GALP: variants seen among roughly 807,000 people sequenced by gnomAD.
GALP encodes the protein galanin like peptide, also known as galanin-like peptide.
GALP carries 12 observed loss-of-function variants against 15.2 expected under a neutral mutation model. The ratio of observed to expected loss-of-function variants is 0.79; its 90% CI spans 0.51 to 1.28. The LOEUF is 1.28. GALP is among the 50% of genes most tolerant of loss of function. GALP has a pLI of 0.00. For synonymous variants in GALP, 58 were observed against 55.1 expected (o/e 1.05, Z -0.23); for missense variants, 161 against 145.6 (o/e 1.11, Z -0.55).
At chr19:56,181,395 CTTTTTTTTTT>C (rs10656072) in intron 3 of GALP, among the ~76,000 whole-genome samples, 2 of 81,314 alleles carry the variant, frequency 2.5e-5, no homozygotes, top group Non-Finnish European at 4.5e-5. Flanking sequence ...TCTCTCTCTC[CTTTTTTTTTT>C]TTTTTTTTTT....
chr19:56,184,100 C>A (rs1015711029), intron 5 of GALP, among the ~76,000 whole-genome samples: 2 of 151,326 alleles, frequency 1.3e-5, no homozygotes, highest in Non-Finnish European at 2.9e-5. Context: ...GGATTACAGG[C>A]GCCCGCCACC....
At chr19:56,182,935 T>C (rs1272520777) in intron 4 of GALP, among the ~76,000 whole-genome samples, 200 bp from the exon 5 acceptor site, 2 of 152,094 alleles carry the variant, frequency 1.3e-5, no homozygotes, top group Non-Finnish European at 2.9e-5. Context: ...GGGCGTTTGT[T>C]GTACAGACTA....
chr19:56,178,529 A>C (rs867798622), intron 2 of GALP, among the ~76,000 whole-genome samples: 105 of 147,568 alleles, frequency 7.1e-4, no homozygotes, highest in African/African-American at 2.4e-3. Flanking sequence ...AACAAAAAAA[A>C]AAAAAAAAAA....
Position 56,183,132 on chromosome 19 carries a change from T to C in GALP, c.218-3T>C. The C allele has an allele frequency of 6.2e-7, 1 of 1,608,504 alleles. No individual in the cohort carries two copies. On this transcript the variant is annotated splice_polypyrimidine_tract_variant and splice_region_variant and intron_variant, in intron 4 of 5. Transcript: ENST00000357330. ...TGTGTGAATGTTGTATTTTTGTTTC[T>C]AGACGGGCTCCCCTACTCCCACCCT...
At chr19:56,178,950 G>A (rs2032514348) in intron 2 of GALP, among the ~76,000 whole-genome samples, 1 of 152,170 alleles carries the variant, frequency 6.6e-6, no homozygotes, top group Non-Finnish European at 1.5e-5. Flanking sequence ...CGAGGAGGGC[G>A]GATCACCTGA....
In GALP at chr19:56,178,098, G is replaced by A. The variant is rs116626793; in HGVS notation, c.87+903G>A. The stretch of plus-strand genomic sequence containing the variant: ...GTAATTACCTTGATGGAGTCACTCC[G>A]CAGTGTAGCCGTATTTCCACACGTG... On this transcript the variant is annotated intron_variant, in intron 2 of 5. Transcript: ENST00000357330. Among the ~76,000 whole-genome samples, 1,017 of 151,768 alleles carry A rather than the reference G, an allele frequency of 6.7e-3. 6 individuals carry two copies. The highest frequency in any genetic ancestry group is 0.023 in the African/African-American group (964 of 41,352).
chr19:56,180,915 C>CTTTCTTTT (rs2032555862), intron 3 of GALP, among the ~76,000 whole-genome samples: 1 of 40,128 alleles, frequency 2.5e-5, no homozygotes, highest in African/African-American at 8.8e-5. Flanking sequence ...TTCTTTCTTT[C>CTTTCTTTT]TTTTTTTTTT....
At chr19:56,178,579 G>T (rs1376350266) in intron 2 of GALP, among the ~76,000 whole-genome samples, 1 of 149,738 alleles carries the variant, frequency 6.7e-6, no homozygotes, top group African/African-American at 2.5e-5. Flanking sequence ...CCTGAGTTGG[G>T]ATAGCAGCTC....
chr19:56,177,200 C>G lies in GALP; in HGVS notation c.87+5C>G, dbSNP rs776635288. 6.2e-7 allele frequency: 1 copy of G among 1,611,302 alleles called. No individual in the cohort carries two copies. Among genetic ancestry groups the G allele is most frequent in the African/African-American group, 1.3e-5 (1 of 74,944 alleles). On this transcript the variant is annotated splice_donor_5th_base_variant and intron_variant, in intron 2 of 5. Coordinates refer to ENST00000357330, the MANE Select transcript of GALP (RefSeq NM_033106.4). The stretch of plus-strand genomic sequence containing the variant: ...GCATCCGCACCTGCCCACCGGGTAA[C>G]GCCTCCCTAAGTTCCTCGGAAACAA...
intron 2 of GALP, among the ~76,000 whole-genome samples, chr19:56,179,312 C>CTTTT (rs59121203): frequency 7.9e-5 from 11 of 139,904 alleles, no homozygotes; most frequent in African/African-American, 2.2e-4. Flanking sequence ...CTCTTTCTTT[C>CTTTT]TTTTTTTTTT....
chr19:56,183,330 C>T (rs2032598618), intron 5 of GALP, 118 bp downstream of exon 5: 1 of 800,278 alleles, frequency 1.2e-6, no homozygotes, highest in Non-Finnish European at 2.2e-6. Context: ...CCAGGGACCT[C>T]CTCACCTGTA....
rs771454418 is a variant in GALP, at chr19:56,185,202, T to G, written c.296-13T>G. ...GAAAAACCATTCAAAGTTTACCTCT[T>G]TCTTTCCCACAGATCTGGGCATGCT... On this transcript the variant is annotated splice_polypyrimidine_tract_variant and intron_variant, in intron 5 of 5. Transcript: ENST00000357330. 1 of 1,590,110 alleles carries G rather than the reference T, an allele frequency of 6.3e-7. No individual in the cohort carries two copies. Among genetic ancestry groups the G allele is most frequent in the Non-Finnish European group, 8.6e-7 (1 of 1,159,656 alleles).
At chr19:56,184,597 C>A (rs1430115433) in intron 5 of GALP, among the ~76,000 whole-genome samples, 1 of 150,690 alleles carries the variant, frequency 6.6e-6, no homozygotes, top group Non-Finnish European at 1.5e-5. Flanking sequence ...CATTCTCCTG[C>A]CTCAGCCTCC....
intron 3 of GALP, among the ~76,000 whole-genome samples, chr19:56,181,048 C>T (rs1339149250): frequency 6.6e-6 from 1 of 151,502 alleles, no homozygotes; most frequent in African/African-American, 2.4e-5. Context: ...CTCCCTCAGC[C>T]TCCTGAGTAG....
Position 56,180,604 on chromosome 19 carries a change from C to G in GALP, c.106C>G (p.Leu36Val). The G allele has an allele frequency of 6.2e-7, 1 of 1,614,012 alleles. No individual in the cohort carries two copies. Among genetic ancestry groups the G allele is most frequent in the Non-Finnish European group, 8.5e-7 (1 of 1,179,950 alleles). The stretch of plus-strand genomic sequence containing the variant: ...TATCCAGGGACGAGGAGGCTGGACC[C>G]TCAATAGTGCTGGCTACCTTCTGGG... Reference protein sequence around the residue: ...PAHRGRGGWTLNSAGYLLGPV... With the variant: ...PAHRGRGGWTVNSAGYLLGPV... The change falls in exon 3 of 6, where the codon CTC becomes GTC. Residue 36 changes from leucine to valine, a missense_variant. Transcript: ENST00000357330.
At chr19:56,182,838 C>T (rs921728247) in intron 4 of GALP, among the ~76,000 whole-genome samples, 8 of 152,252 alleles carry the variant, frequency 5.3e-5, no homozygotes, top group South Asian at 4.1e-4. Context: ...GATGAGCCGT[C>T]GCGCCCGGCC....
intron 5 of GALP, among the ~76,000 whole-genome samples, 199 bp downstream of exon 5, chr19:56,183,411 C>T (rs1234522765): frequency 6.6e-6 from 1 of 152,120 alleles, no homozygotes; most frequent in East Asian, 1.9e-4. Context: ...GCTCCCTTCA[C>T]CTCGATTCCT....
chr19:56,178,521 C>CAAAAAAAAAA lies in GALP; in HGVS notation c.87+1338_87+1347dup, dbSNP rs80223966. 1.2e-3 allele frequency among the ~76,000 whole-genome samples: 106 copies of CAAAAAAAAAA among 85,734 alleles called. 6 individuals carry two copies. The highest frequency in any genetic ancestry group is 2.4e-3 in the African/African-American group (55 of 22,806). 56.2% of individuals were successfully genotyped at this position (85,734 alleles called of 152,430 possible). A position where few individuals can be genotyped will look rare whatever the true frequency, so the allele number is the denominator to read the frequency against. On this transcript the variant is annotated intron_variant, in intron 2 of 5. Coordinates refer to ENST00000357330, the MANE Select transcript of GALP (RefSeq NM_033106.4). ...AGAAAAGAAATGCTAACAACAACAA[C>CAAAAAAAAAA]AAAAAAAAAAAAAAAAAAAAAGAGA...
intron 1 of GALP, among the ~76,000 whole-genome samples, chr19:56,176,280 G>C (rs13346714): frequency 1.5e-5 from 2 of 135,862 alleles, no homozygotes; most frequent in African/African-American, 5.6e-5. Flanking sequence ...CCTAGGCCAG[G>C]AGGGCAGAGG....
Sources: gnomAD v4.1 joint callset for allele counts (sites outside exome capture counted in the v4.1 genomes callset) on GRCh38, gnomAD v4.1.1 for gene constraint, MANE v1.5 for transcripts, NCBI Gene and HGNC (gene_info 2026-07-23, HGNC 2026-07-21) for gene names.